VANGL1: variants seen among roughly 807,000 people sequenced by gnomAD.
VANGL1 encodes VANGL planar cell polarity protein 1, also known as vang-like protein 1.
VANGL1 carries 18 observed loss-of-function variants against 48.4 expected under a neutral mutation model. The observed-to-expected ratio is 0.37, with a 90% CI of 0.26 to 0.55. The LOEUF (loss-of-function observed/expected upper bound fraction) is 0.55, where lower values mean the gene tolerates loss of function less well. VANGL1 is among the 20% of genes least tolerant of loss of function. VANGL1 has a pLI of 0.81. For synonymous variants in VANGL1, 257 were observed against 261.8 expected (o/e 0.98, Z 0.18); for missense variants, 667 against 675.8 (o/e 0.99, Z 0.14).
At chr1:115,656,274 A>G (rs1652351817) in intron 2 of VANGL1, among the ~76,000 whole-genome samples, 1 of 152,166 alleles carries the variant, frequency 6.6e-6, no homozygotes, top group East Asian at 1.9e-4. Context: ...TGAGCATTAC[A>G]CTCATGGCTC....
chr1:115,654,517 A>AAAAG (rs1652272924), intron 2 of VANGL1, among the ~76,000 whole-genome samples: 1 of 151,800 alleles, frequency 6.6e-6, no homozygotes, highest in Non-Finnish European at 1.5e-5. Flanking sequence ...AAAAAAAAAA[A>AAAAG]AAAAATTGGT....
chr1:115,659,207 T>C (rs1354209652), intron 2 of VANGL1, among the ~76,000 whole-genome samples: 3 of 152,104 alleles, frequency 2.0e-5, no homozygotes, highest in East Asian at 1.9e-4. Flanking sequence ...TACAAAAAAA[T>C]AGATATTTTT....
Position 115,691,417 on chromosome 1 carries a change from A to C in VANGL1, c.*38A>C, listed in dbSNP as rs1315875005. On this transcript the variant is annotated 3_prime_UTR_variant, in exon 8 of 8. Coordinates refer to ENST00000355485, the MANE Select transcript of VANGL1 (RefSeq NM_138959.3). ...TGTGGCTTTATTAAAAAAAAAAGAAAAATATATAGAGAGATATATATCTAT... is the reference window on the plus strand; with the variant it reads ...TGTGGCTTTATTAAAAAAAAAAGAACAATATATAGAGAGATATATATCTAT... 6.3e-7 allele frequency: 1 copy of C among 1,584,532 alleles called. No homozygotes were observed. The highest frequency in any genetic ancestry group is 1.2e-5 in the South Asian group (1 of 86,570).
intron 5 of VANGL1, among the ~76,000 whole-genome samples, chr1:115,683,268 G>T (rs1227151337): frequency 6.6e-6 from 1 of 152,172 alleles, no homozygotes. Context: ...GTGAAACCAA[G>T]TCACCAGCCA....
In VANGL1 at chr1:115,685,556, C is replaced by T. The variant is rs181721861; in HGVS notation, c.1314+29C>T. 2.4e-4 allele frequency: 384 copies of T among 1,607,848 alleles called. 1 individual carries two copies. In the African/African-American group the frequency reaches 3.8e-3, roughly 16 times the overall value. On this transcript the variant is annotated intron_variant, in intron 7 of 7. Coordinates refer to ENST00000355485, the MANE Select transcript of VANGL1 (RefSeq NM_138959.3). Reference sequence around the variant, plus strand: ...CGCTGCTCCGGGCGGGCTCTGCCACCGTCATCCTGGCTTGTCACTGAGCTT... The same window carrying T: ...CGCTGCTCCGGGCGGGCTCTGCCACTGTCATCCTGGCTTGTCACTGAGCTT...
At chr1:115,663,557 T>C (rs1370689489) in intron 3 of VANGL1, 104 bp from the exon 4 acceptor site, 5 of 1,502,010 alleles carry the variant, frequency 3.3e-6, no homozygotes, top group Non-Finnish European at 4.6e-6. Context: ...GAAGCCTTTG[T>C]GAATAGGGCT....
chr1:115,668,943 T>C (rs978164681), intron 4 of VANGL1, among the ~76,000 whole-genome samples: 1 of 152,194 alleles, frequency 6.6e-6, no homozygotes, highest in Non-Finnish European at 1.5e-5. Flanking sequence ...TATCCCACAT[T>C]TAAGGAGAGA....
At chr1:115,677,488 G>A (rs900477191) in intron 4 of VANGL1, among the ~76,000 whole-genome samples, 16 of 152,218 alleles carry the variant, frequency 1.1e-4, no homozygotes, top group African/African-American at 2.9e-4. Flanking sequence ...TTGCTGGCCC[G>A]TCCTTCCCAG....
At position 115,691,661 on chromosome 1, in the gene VANGL1, G is replaced by T. The variant is rs1653841099; in HGVS notation, c.*282G>T. ...TACAGCTGTAAACCAAAGTGGAGCT[G>T]GTGCTTCTTGGGAGCCTCGCCTTAC... is the stretch of plus-strand genomic sequence containing the variant. On this transcript the variant is annotated 3_prime_UTR_variant, in exon 8 of 8. Coordinates refer to ENST00000355485, the MANE Select transcript of VANGL1 (RefSeq NM_138959.3). The T allele has an allele frequency of 2.8e-6, 1 of 354,082 alleles. No homozygotes were observed. The highest frequency in any genetic ancestry group is 5.1e-6 in the Non-Finnish European group (1 of 197,368). 21.9% of individuals were successfully genotyped at this position (354,082 alleles called of 1,614,324 possible).
At position 115,693,692 on chromosome 1, in the gene VANGL1, GC is replaced by G. The variant is rs1422080162; in HGVS notation, c.*2315del. 6.6e-6 allele frequency: 1 copy of G among 152,188 alleles called. No individual in the cohort carries two copies. Among genetic ancestry groups the G allele is most frequent in the East Asian group, 1.9e-4 (1 of 5,196 alleles). The allele number at this position is 152,188 out of a possible 1,614,324, so 9.4% of individuals were successfully genotyped here. A position where few individuals can be genotyped will look rare whatever the true frequency, so the allele number is the denominator to read the frequency against. ...AAATAAAATGCAGGATCTTTGTAAAGCCTTTGCACTTTCAACCTCTTTATAG... is the reference window on the plus strand; with the variant it reads ...AAATAAAATGCAGGATCTTTGTAAAGCTTTGCACTTTCAACCTCTTTATAG... On this transcript the variant is annotated 3_prime_UTR_variant, in exon 8 of 8. Coordinates refer to ENST00000355485, the MANE Select transcript of VANGL1 (RefSeq NM_138959.3).
intron 3 of VANGL1, among the ~76,000 whole-genome samples, chr1:115,660,457 T>C (rs1434388966): frequency 2.6e-5 from 4 of 152,356 alleles, no homozygotes; most frequent in Middle Eastern, 3.4e-3. Context: ...CAGGATTTTA[T>C]GTGGAATCCT....
chr1:115,693,560 T>G lies in VANGL1; in HGVS notation c.*2181T>G, dbSNP rs1042165604. The G allele has an allele frequency of 3.3e-5, 5 of 152,272 alleles. No individual in the cohort carries two copies. Among genetic ancestry groups the G allele is most frequent in the African/African-American group, 1.2e-4 (5 of 41,456 alleles). The allele number at this position is 152,272 out of a possible 1,614,324, so 9.4% of individuals were successfully genotyped here. On this transcript the variant is annotated 3_prime_UTR_variant, in exon 8 of 8. Transcript: ENST00000355485. ...CTCCCCCTTCCTCTTTCTCCCAGTC[T>G]TTGCATAGGAGAATGTTAGACATTC...
Position 115,682,038 on chromosome 1 carries a change from C to T in VANGL1, c.813-326C>T, listed in dbSNP as rs992257388. 4.6e-5 allele frequency among the ~76,000 whole-genome samples: 7 copies of T among 152,268 alleles called. No individual in the cohort carries two copies. The East Asian group carries it at 1.2e-3, about 25-fold the overall frequency. ...ATCCTCAGTTTCTTCTTTTGTAAAC[C>T]GAGGAAAAATAGAAAAAGTTCTTGT... On this transcript the variant is annotated intron_variant, in intron 4 of 7. Coordinates refer to ENST00000355485, the MANE Select transcript of VANGL1 (RefSeq NM_138959.3).
chr1:115,695,785 A>C lies in VANGL1; in HGVS notation c.*4406A>C, dbSNP rs1314873346. 6.6e-6 allele frequency: 1 copy of C among 152,176 alleles called. No homozygotes were observed. Among genetic ancestry groups the C allele is most frequent in the Non-Finnish European group, 1.5e-5 (1 of 68,038 alleles). 9.4% of individuals were successfully genotyped at this position (152,176 alleles called of 1,614,324 possible). A position where few individuals can be genotyped will look rare whatever the true frequency, so the allele number is the denominator to read the frequency against. ...TTGTCCAAGGTCTCATGTCTGGTTAACAGAATTTCAAACTAGATGTTTGAT... is the reference window on the plus strand; with the variant it reads ...TTGTCCAAGGTCTCATGTCTGGTTACCAGAATTTCAAACTAGATGTTTGAT... On this transcript the variant is annotated 3_prime_UTR_variant, in exon 8 of 8. Transcript: ENST00000355485.
At chr1:115,662,245 C>T (rs1035151963) in intron 3 of VANGL1, among the ~76,000 whole-genome samples, 10 of 152,138 alleles carry the variant, frequency 6.6e-5, no homozygotes, top group African/African-American at 1.2e-4. Context: ...TTACTAGATT[C>T]GGAGTTATTT....
intron 4 of VANGL1, among the ~76,000 whole-genome samples, chr1:115,673,127 C>T (rs1328648568): frequency 6.6e-6 from 1 of 152,194 alleles, no homozygotes; most frequent in Non-Finnish European, 1.5e-5. Context: ...CCAGAGCAGG[C>T]ACACCTTAAA....
intron 3 of VANGL1, among the ~76,000 whole-genome samples, chr1:115,663,089 A>G (rs1310040440): frequency 3.3e-5 from 5 of 152,120 alleles, no homozygotes; most frequent in Non-Finnish European, 7.4e-5. Context: ...CCCAGTCCAT[A>G]AAGAGATTTT....
intron 7 of VANGL1, among the ~76,000 whole-genome samples, chr1:115,687,048 G>A (rs61092408): frequency 0.11 from 15,181 of 137,796 alleles, 3,417 homozygotes; most frequent in African/African-American, 0.15. Context: ...CACTATATGT[G>A]TATCCTGCTG....
chr1:115,655,477 C>T (rs1004856553), intron 2 of VANGL1, among the ~76,000 whole-genome samples: 2 of 152,196 alleles, frequency 1.3e-5, no homozygotes, highest in Non-Finnish European at 2.9e-5. Flanking sequence ...TCTTCCTGCC[C>T]CTCACACAAC....
Sources: allele counts gnomAD v4.1 joint callset (sites outside exome capture counted in the v4.1 genomes callset), GRCh38; gene constraint gnomAD v4.1.1; transcripts MANE v1.5; gene names NCBI Gene and HGNC (gene_info 2026-07-23, HGNC 2026-07-21).